DGKB: variants seen among roughly 807,000 people sequenced by gnomAD.
DGKB encodes the protein 90 kDa diacylglycerol kinase.
A neutral mutation model predicts 114.3 loss-of-function variants in DGKB; 67 were observed. The observed-to-expected ratio is 0.59, with a 90% CI of 0.48 to 0.72. The LOEUF is 0.72. Ranked by LOEUF, DGKB falls within the 30% of genes least tolerant of loss-of-function variation. The probability of loss-of-function intolerance (pLI) is 0.00; values close to 1 mark genes in which losing one functional copy is unlikely to be tolerated. For missense variants in DGKB, 907 were observed against 975.2 expected (o/e 0.93, Z 0.93); for synonymous variants, 398 against 323.1 (o/e 1.23, Z -2.49).
chr7:14,355,135 C>T (rs941211983), intron 21 of DGKB, among the ~76,000 whole-genome samples: 7 of 152,152 alleles, frequency 4.6e-5, no homozygotes, highest in East Asian at 1.9e-4. Context: ...TCTTGGCTCT[C>T]TCCCTCTCTC....
In DGKB at chr7:14,617,905, T is replaced by G. The variant is rs550454501; in HGVS notation, c.1284+3473A>C. Reference sequence around the variant, plus strand: ...TTAAAATTATAGACAATTCTGACTCTTAGCCCTGATCTTTCTTATCTTACT... The same window carrying G: ...TTAAAATTATAGACAATTCTGACTCGTAGCCCTGATCTTTCTTATCTTACT... On this transcript the variant is annotated intron_variant, in intron 15 of 25. Transcript: ENST00000402815. Among the ~76,000 whole-genome samples the G allele has an allele frequency of 2.6e-5, 4 of 151,850 alleles. No homozygotes were observed. In the South Asian group the frequency reaches 8.3e-4, roughly 31 times the overall value.
chr7:14,463,864 C>G (rs1329385043), intron 21 of DGKB, among the ~76,000 whole-genome samples: 1 of 152,146 alleles, frequency 6.6e-6, no homozygotes, highest in Admixed American at 6.5e-5. Context: ...ATACCCCAGC[C>G]TTTAAGAAAT....
intron 20 of DGKB, among the ~76,000 whole-genome samples, chr7:14,504,049 A>G (rs1011347045): frequency 6.6e-5 from 10 of 152,208 alleles, no homozygotes; most frequent in Admixed American, 4.6e-4. Flanking sequence ...ATGTGCAGTT[A>G]TGTTTGGTAT....
chr7:14,832,130 GTC>G (rs1437926604), intron 2 of DGKB, among the ~76,000 whole-genome samples: 6 of 152,030 alleles, frequency 3.9e-5, no homozygotes, highest in African/African-American at 1.4e-4. Context: ...CTTTGAAATA[GTC>G]TTTTTTATTT....
At chr7:14,260,109 AACAC>A (rs72000049) in intron 23 of DGKB, among the ~76,000 whole-genome samples, 4,209 of 143,314 alleles carry the variant, frequency 0.029, 96 homozygotes, top group East Asian at 0.068. Flanking sequence ...CACACACATG[AACAC>A]ACACACACAC....
intron 13 of DGKB, among the ~76,000 whole-genome samples, chr7:14,669,328 T>C (rs2128940724): frequency 6.6e-6 from 1 of 152,248 alleles, no homozygotes; most frequent in East Asian, 1.9e-4. Flanking sequence ...AATATAAAAA[T>C]CGTATGATAT....
chr7:14,383,788 C>A (rs1445176078), intron 21 of DGKB, among the ~76,000 whole-genome samples: 1 of 152,186 alleles, frequency 6.6e-6, no homozygotes, highest in Non-Finnish European at 1.5e-5. Flanking sequence ...TCAGAAGAGG[C>A]TGGAAGGTGT....
At chr7:14,697,791 G>GAAAGAGAAAGAAAGA (rs1563943678) in intron 8 of DGKB, among the ~76,000 whole-genome samples, 39 of 116,296 alleles carry the variant, frequency 3.4e-4, no homozygotes, top group African/African-American at 1.1e-3. Flanking sequence ...AGAAAGAAAG[G>GAAAGAGAAAGAAAGA]AAGGAAGGAA....
At chr7:14,390,048 C>T (rs1217840753) in intron 21 of DGKB, among the ~76,000 whole-genome samples, 1 of 152,020 alleles carries the variant, frequency 6.6e-6, no homozygotes, top group African/African-American at 2.4e-5. Context: ...GCCTAAAAAC[C>T]CTAAGTAAGG....
intron 22 of DGKB, among the ~76,000 whole-genome samples, chr7:14,343,198 C>CACACACACA (rs1320061315): frequency 6.7e-5 from 10 of 149,066 alleles, no homozygotes; most frequent in Admixed American, 1.3e-4. Context: ...CACACACACA[C>CACACACACA]AACAAGATAT....
At chr7:14,418,384 T>TACACACACACATATATTCAC (rs1563143149) in intron 21 of DGKB, among the ~76,000 whole-genome samples, 3 of 144,652 alleles carry the variant, frequency 2.1e-5, no homozygotes, top group South Asian at 2.1e-4. Context: ...TATATATATA[T>TACACACACACATATATTCAC]ATATATATAC....
intron 5 of DGKB, among the ~76,000 whole-genome samples, chr7:14,730,735 T>A (rs774320884): frequency 6.6e-6 from 1 of 152,172 alleles, no homozygotes; most frequent in Non-Finnish European, 1.5e-5. Context: ...TGGGAATGAA[T>A]GTCTCAAAAG....
chr7:14,889,482 G>T (rs1172901400), intron 1 of DGKB, among the ~76,000 whole-genome samples: 1 of 151,528 alleles, frequency 6.6e-6, no homozygotes, highest in East Asian at 2.0e-4. Flanking sequence ...TAGTAGGCCT[G>T]GTTATGGCCC....
At chr7:14,327,644 A>G (rs1044405913) in intron 23 of DGKB, among the ~76,000 whole-genome samples, 72 of 152,120 alleles carry the variant, frequency 4.7e-4, no homozygotes, top group African/African-American at 1.7e-3. Flanking sequence ...AAATCAAAAG[A>G]GCATTTTCCT....
At chr7:14,202,225 T>A (rs1304254388) in intron 23 of DGKB, among the ~76,000 whole-genome samples, 1 of 152,034 alleles carries the variant, frequency 6.6e-6, no homozygotes, top group Non-Finnish European at 1.5e-5. Context: ...ATTTTTTTTC[T>A]GGTAACCAAT....
At chr7:14,847,161 G>A (rs559437824) in intron 1 of DGKB, among the ~76,000 whole-genome samples, 2 of 151,974 alleles carry the variant, frequency 1.3e-5, no homozygotes, top group Non-Finnish European at 2.9e-5. Flanking sequence ...CGTGGTGGTG[G>A]GCACCTGTAG....
At chr7:14,710,541 T>G (rs565407614) in intron 6 of DGKB, among the ~76,000 whole-genome samples, 35 of 152,160 alleles carry the variant, frequency 2.3e-4, no homozygotes, top group Non-Finnish European at 4.7e-4. Context: ...TGAACTATAC[T>G]TAGAGTAGTG....
intron 16 of DGKB, among the ~76,000 whole-genome samples, chr7:14,608,832 A>G (rs76504017): frequency 0.027 from 4,075 of 152,058 alleles, 94 homozygotes; most frequent in Non-Finnish European, 0.042. Flanking sequence ...CACACACAAA[A>G]AATGAAATAC....
chr7:14,484,998 A>G (rs1451426451), intron 20 of DGKB, among the ~76,000 whole-genome samples: 1 of 151,470 alleles, frequency 6.6e-6, no homozygotes, highest in Non-Finnish European at 1.5e-5. Context: ...AAATAATACC[A>G]TTTACAATGG....
Sources: allele counts gnomAD v4.1 joint callset (sites outside exome capture counted in the v4.1 genomes callset), GRCh38; gene constraint gnomAD v4.1.1; transcripts MANE v1.5; gene names NCBI Gene and HGNC (gene_info 2026-07-23, HGNC 2026-07-21).